Variants in MEF2C observed in about 807,000 individuals in gnomAD.
MEF2C encodes the protein myocyte-specific enhancer factor 2C.
Under a neutral mutation model 50.5 loss-of-function variants are expected in MEF2C, and 6 were observed. That is an observed-to-expected ratio of 0.12 (90% CI 0.07 to 0.23). The LOEUF is 0.23. Among genes scored for constraint, MEF2C ranks in the 10% least tolerant of loss-of-function variants. The pLI, the probability that MEF2C is intolerant of heterozygous loss-of-function variation, is 1.00. For synonymous variants in MEF2C, 183 were observed against 228.0 expected, an observed-to-expected ratio of 0.80 and a Z score of 1.78; for missense variants, 276 against 605.0, an observed-to-expected ratio of 0.46 and a Z score of 5.70.
At chr5:88,838,826 C>T (rs772938154) in intron 1 of MEF2C, 8 of 725,104 alleles carry the variant, frequency 1.1e-5, no homozygotes, top group African/African-American at 1.9e-5. Flanking sequence ...GTTTCCACTT[C>T]AAAATTTTAT....
intron 1 of MEF2C, among the ~76,000 whole-genome samples, chr5:88,863,763 A>T (rs1826291680): frequency 6.6e-6 from 1 of 151,654 alleles, no homozygotes; most frequent in African/African-American, 2.4e-5. Context: ...TGCCTGACTT[A>T]TTTCACTTAA....
intron 1 of MEF2C, among the ~76,000 whole-genome samples, chr5:88,844,982 A>G (rs1444878192): frequency 1.3e-5 from 2 of 152,242 alleles, no homozygotes; most frequent in South Asian, 4.1e-4. Flanking sequence ...TTCTTATCAA[A>G]TGATTCTTAA....
chr5:88,729,761 T>G (rs1355203497), intron 8 of MEF2C, among the ~76,000 whole-genome samples: 2 of 152,126 alleles, frequency 1.3e-5, no homozygotes, highest in Admixed American at 6.6e-5. Context: ...GAGTAGGGGC[T>G]CATGTTATAT....
At chr5:88,781,157 T>C (rs941126873) in intron 3 of MEF2C, among the ~76,000 whole-genome samples, 2 of 152,226 alleles carry the variant, frequency 1.3e-5, no homozygotes, top group African/African-American at 4.8e-5. Flanking sequence ...CATCACGTTA[T>C]TACACAAGAA....
intron 1 of MEF2C, among the ~76,000 whole-genome samples, chr5:88,840,862 G>A (rs184059723): frequency 6.6e-6 from 1 of 152,146 alleles, no homozygotes; most frequent in South Asian, 2.1e-4. Context: ...ATGTCATATG[G>A]AAGAAAATCA....
At chr5:88,866,974 T>C (rs1339928495) in intron 1 of MEF2C, among the ~76,000 whole-genome samples, 1 of 152,234 alleles carries the variant, frequency 6.6e-6, no homozygotes, top group African/African-American at 2.4e-5. Context: ...AAGAAATGAA[T>C]AGCAAAGTGG....
chr5:88,760,970 T>C, intron 4 of MEF2C: 1 of 1,599,846 alleles, frequency 6.3e-7, no homozygotes, highest in Non-Finnish European at 8.5e-7. Context: ...AGACCAGCCA[T>C]CTACCTTTGG....
chr5:88,782,293 C>T (rs938888327), intron 3 of MEF2C: 4 of 400,436 alleles, frequency 1.0e-5, no homozygotes, highest in Non-Finnish European at 1.4e-5. Flanking sequence ...TGGCAAAATC[C>T]TGTCTCTACA....
intron 1 of MEF2C, among the ~76,000 whole-genome samples, chr5:88,828,860 T>C (rs1234990456): frequency 1.3e-5 from 2 of 152,006 alleles, no homozygotes; most frequent in African/African-American, 4.8e-5. Context: ...CGTGATGTCT[T>C]GAGTTGAGGA....
At chr5:88,745,643 C>G (rs1769097755) in intron 6 of MEF2C, among the ~76,000 whole-genome samples, 4 of 96,688 alleles carry the variant, frequency 4.1e-5, no homozygotes. Flanking sequence ...GACCCCATCT[C>G]TATAAGGAAA....
chr5:88,742,672 C>A, intron 6 of MEF2C: 1 of 985,270 alleles, frequency 1.0e-6, no homozygotes, highest in Non-Finnish European at 1.2e-6. Context: ...CCAAAGGGGT[C>A]GAAGGCATAT....
At chr5:88,779,313 C>T (rs1363496847) in intron 3 of MEF2C, among the ~76,000 whole-genome samples, 1 of 151,938 alleles carries the variant, frequency 6.6e-6, no homozygotes, top group Non-Finnish European at 1.5e-5. Context: ...AGTCTGCTTC[C>T]ATGAGGTAAT....
chr5:88,865,717 T>C (rs1827073397), intron 1 of MEF2C, among the ~76,000 whole-genome samples: 1 of 152,144 alleles, frequency 6.6e-6, no homozygotes, highest in Non-Finnish European at 1.5e-5. Flanking sequence ...CTCAGTGGTT[T>C]TGCTGGAAAG....
chr5:88,821,608 C>T (rs1808399217), intron 2 of MEF2C, among the ~76,000 whole-genome samples: 1 of 151,746 alleles, frequency 6.6e-6, no homozygotes, highest in Admixed American at 6.6e-5. Flanking sequence ...ATGAGTGAAA[C>T]TAACTGGAGG....
rs1017191976 is a variant in MEF2C at position 88,718,181 on chromosome 5, A to C, written c.*4423T>G. On this transcript the variant is annotated 3_prime_UTR_variant, in exon 11 of 11. Transcript: ENST00000504921. ...AAGCTGCTTTTTAAAAAACACAATA[A>C]AATTGAATAAATTTAAACAGCAAAA... is the stretch of plus-strand genomic sequence containing the variant. 6.6e-6 allele frequency: 1 copy of C among 152,242 alleles called. No individual in the cohort carries two copies. The highest frequency in any genetic ancestry group is 2.4e-5 in the African/African-American group (1 of 41,466). 9.4% of individuals were successfully genotyped at this position (152,242 alleles called of 1,614,324 possible).
chr5:88,724,663 A>C (rs950536870), intron 10 of MEF2C, among the ~76,000 whole-genome samples: 2 of 152,102 alleles, frequency 1.3e-5, no homozygotes, highest in Non-Finnish European at 2.9e-5. Flanking sequence ...AATTTTCCAA[A>C]AGTTTTAATT....
At chr5:88,747,984 C>T (rs886537395) in intron 6 of MEF2C, 23 of 919,732 alleles carry the variant, frequency 2.5e-5, no homozygotes, top group Non-Finnish European at 3.9e-6. Context: ...TTTGGCTCGA[C>T]CTAATTTTCA....
intron 1 of MEF2C, among the ~76,000 whole-genome samples, chr5:88,828,425 C>T (rs1811798340): frequency 6.6e-6 from 1 of 152,026 alleles, no homozygotes; most frequent in South Asian, 2.1e-4. Context: ...TTCATATTAG[C>T]AGATCTTTTT....
At chr5:88,780,550 T>G (rs1353339194) in intron 3 of MEF2C, among the ~76,000 whole-genome samples, 3 of 152,228 alleles carry the variant, frequency 2.0e-5, no homozygotes, top group Non-Finnish European at 4.4e-5. Flanking sequence ...AAGCCACATG[T>G]GTAATACATT....
Sources: allele counts gnomAD v4.1 joint callset (sites outside exome capture counted in the v4.1 genomes callset), GRCh38; gene constraint gnomAD v4.1.1; transcripts MANE v1.5; gene names NCBI Gene and HGNC (gene_info 2026-07-23, HGNC 2026-07-21).